The following CNTNAP2 variants were observed in gnomAD, a reference collection of about 807,000 sequenced individuals.
CNTNAP2 encodes contactin-associated protein-like 2.
CNTNAP2 carries 98 observed loss-of-function variants against 155.2 expected under a neutral mutation model. The observed-to-expected ratio is 0.63, with a 90% CI of 0.54 to 0.75. CNTNAP2 has a LOEUF of 0.75. Among genes scored for constraint, CNTNAP2 ranks in the 30% least tolerant of loss-of-function variants. CNTNAP2 has a pLI of 0.00. For synonymous variants in CNTNAP2, 651 were observed against 631.2 expected (o/e 1.03, Z -0.47); for missense variants, 1,727 against 1,688.1 (o/e 1.02, Z -0.40).
At chr7:147,237,789 G>T (rs1323900316) in intron 8 of CNTNAP2, among the ~76,000 whole-genome samples, 2 of 152,130 alleles carry the variant, frequency 1.3e-5, no homozygotes, top group African/African-American at 4.8e-5. Flanking sequence ...TATTACTAAA[G>T]CAGAAGTATT....
At chr7:146,835,490 T>C (rs921196600) in intron 2 of CNTNAP2, among the ~76,000 whole-genome samples, 8 of 152,150 alleles carry the variant, frequency 5.3e-5, no homozygotes, top group Non-Finnish European at 8.8e-5. Context: ...TATATTGTTG[T>C]CCCCAAAATT....
At chr7:148,415,042 C>CCTACACTGCTGTCCAAAAATCGCTG (rs1193032071) in intron 23 of CNTNAP2, 2 of 369,600 alleles carry the variant, frequency 5.4e-6, no homozygotes, top group East Asian at 1.3e-4. Flanking sequence ...GCTGCCCCTC[C>CCTACACTGCTGTCCAAAAATCGCTG]CTACACTGCT....
rs898442077 is a variant in CNTNAP2, at chr7:146,352,959, T to G, written c.97+235986T>G. On this transcript the variant is annotated intron_variant, in intron 1 of 23. Coordinates refer to ENST00000361727, the MANE Select transcript of CNTNAP2 (RefSeq NM_014141.6). ...TTAGTAGAGACAGGATTTCACCCTG[T>G]TAGCCAGGATGGTCTCGATCTCCTG... is the stretch of plus-strand genomic sequence containing the variant. Among the ~76,000 whole-genome samples the G allele has an allele frequency of 1.2e-4, 18 of 151,802 alleles. 1 individual carries two copies. Among genetic ancestry groups the G allele is most frequent in the Non-Finnish European group, 2.9e-5 (2 of 67,960 alleles).
chr7:147,444,953 C>T (rs949576541), intron 10 of CNTNAP2, among the ~76,000 whole-genome samples: 1 of 152,118 alleles, frequency 6.6e-6, no homozygotes, highest in Admixed American at 6.5e-5. Flanking sequence ...GAAACAAGCA[C>T]GTCTTCACAT....
chr7:147,041,042 T>C (rs890073392), intron 3 of CNTNAP2, among the ~76,000 whole-genome samples: 2 of 152,230 alleles, frequency 1.3e-5, no homozygotes, highest in Admixed American at 6.5e-5. Flanking sequence ...CAATTACTTG[T>C]TGCTAATCTT....
intron 13 of CNTNAP2, among the ~76,000 whole-genome samples, chr7:147,784,287 C>T (rs547955492): frequency 7.4e-5 from 11 of 149,480 alleles, no homozygotes; most frequent in African/African-American, 2.2e-4. Flanking sequence ...CACTATTCAA[C>T]CCATAACAAT....
At chr7:146,580,680 A>G (rs556294222) in intron 1 of CNTNAP2, among the ~76,000 whole-genome samples, 4 of 152,196 alleles carry the variant, frequency 2.6e-5, no homozygotes, top group South Asian at 2.1e-4. Context: ...AGTGCTTGTA[A>G]TGAAGAATGC....
chr7:146,133,836 G>T (rs1278796837), intron 1 of CNTNAP2, among the ~76,000 whole-genome samples: 1 of 152,162 alleles, frequency 6.6e-6, no homozygotes, highest in African/African-American at 2.4e-5. Flanking sequence ...ATAGCTTGAA[G>T]TCAGGTAGTG....
intron 1 of CNTNAP2, among the ~76,000 whole-genome samples, chr7:146,547,073 C>T (rs548848423): frequency 1.3e-5 from 2 of 151,712 alleles, no homozygotes; most frequent in East Asian, 2.0e-4. Context: ...GGTGTAAGTT[C>T]GAGTGTGTCC....
chr7:146,458,784 GA>G (rs1796594296), intron 1 of CNTNAP2, among the ~76,000 whole-genome samples: 4 of 152,106 alleles, frequency 2.6e-5, no homozygotes, highest in Admixed American at 2.6e-4. Flanking sequence ...CCCATCAGTT[GA>G]AAGCCTGAAT....
At chr7:147,071,701 G>A (rs1230320383) in intron 4 of CNTNAP2, among the ~76,000 whole-genome samples, 1 of 152,180 alleles carries the variant, frequency 6.6e-6, no homozygotes, top group Non-Finnish European at 1.5e-5. Context: ...GAAGATACGG[G>A]TAGTTAAGGC....
chr7:147,396,772 A>T (rs549550654), intron 10 of CNTNAP2, among the ~76,000 whole-genome samples: 32 of 152,130 alleles, frequency 2.1e-4, no homozygotes, highest in Admixed American at 2.0e-3. Flanking sequence ...GATATATTGA[A>T]GTCTTTTGAG....
intron 13 of CNTNAP2, among the ~76,000 whole-genome samples, chr7:147,883,136 G>A (rs773449131): frequency 2.0e-5 from 3 of 152,076 alleles, no homozygotes; most frequent in Non-Finnish European, 4.4e-5. Flanking sequence ...CCAGAATATA[G>A]AAAGCCTTGT....
intron 10 of CNTNAP2, among the ~76,000 whole-genome samples, chr7:147,423,290 G>A (rs1797327054): frequency 6.6e-6 from 1 of 152,238 alleles, no homozygotes; most frequent in Non-Finnish European, 1.5e-5. Context: ...TCTTAATTAA[G>A]TTAGGTTAGC....
At position 146,856,297 on chromosome 7, in the gene CNTNAP2, GATACATACATACATAC is replaced by G. The variant is rs71165043; in HGVS notation, c.402+16425_402+16440del. Among the ~76,000 whole-genome samples, 308 of 116,696 alleles carry G rather than the reference GATACATACATACATAC, an allele frequency of 2.6e-3. 3 individuals are homozygous for G. The highest frequency in any genetic ancestry group is 9.2e-3 in the African/African-American group (281 of 30,484). 76.6% of individuals were successfully genotyped at this position (116,696 alleles called of 152,430 possible). On this transcript the variant is annotated intron_variant, in intron 3 of 23. Transcript: ENST00000361727. The stretch of plus-strand genomic sequence containing the variant: ...AGATAGATAGATAGATAGATAGATA[GATACATACATACATAC>G]ATACATACATACATACATACATACA...
At chr7:146,410,984 A>G (rs548354463) in intron 1 of CNTNAP2, among the ~76,000 whole-genome samples, 5 of 152,082 alleles carry the variant, frequency 3.3e-5, no homozygotes, top group Non-Finnish European at 7.4e-5. Flanking sequence ...TGGTATAAAT[A>G]CCAAATTCTC....
At chr7:146,596,638 A>AGAGAGG (rs1798865830) in intron 1 of CNTNAP2, among the ~76,000 whole-genome samples, 1 of 136,130 alleles carries the variant, frequency 7.3e-6, no homozygotes, top group Non-Finnish European at 1.6e-5. Context: ...AGAGAGAGAG[A>AGAGAGG]GAAATTGTTG....
chr7:147,378,708 A>G (rs1280584418), intron 9 of CNTNAP2, among the ~76,000 whole-genome samples: 2 of 152,124 alleles, frequency 1.3e-5, no homozygotes, highest in Admixed American at 1.3e-4. Flanking sequence ...CAAGGTAACT[A>G]AAGCCAACAA....
intron 8 of CNTNAP2, among the ~76,000 whole-genome samples, chr7:147,171,942 C>A (rs1009696855): frequency 1.3e-5 from 2 of 151,892 alleles, no homozygotes; most frequent in Non-Finnish European, 2.9e-5. Context: ...ACTCAAAATG[C>A]CATTCATTTA....
Sources: allele counts gnomAD v4.1 joint callset (sites outside exome capture counted in the v4.1 genomes callset), GRCh38; gene constraint gnomAD v4.1.1; transcripts MANE v1.5; gene names NCBI Gene and HGNC (gene_info 2026-07-23, HGNC 2026-07-21).